Variants in PRH1 observed in about 807,000 individuals in gnomAD.
PRH1 encodes proline rich protein HaeIII subfamily 1, also known as salivary acidic proline-rich phosphoprotein 1/2.
PRH1 carries 7 observed loss-of-function variants against 7.9 expected under a neutral mutation model. That is an observed-to-expected ratio of 0.89 (90% CI 0.50 to 1.67). PRH1 has a LOEUF of 1.67. PRH1 is among the 40% of genes most tolerant of loss of function. The pLI, the probability that PRH1 is intolerant of heterozygous loss-of-function variation, is 0.00. For synonymous variants in PRH1, 45 were observed against 80.8 expected (o/e 0.56, Z 2.38); for missense variants, 109 against 223.6 (o/e 0.49, Z 3.27).
At chr12:11,082,947 T>C (rs1944542071) in intron 1 of PRH1, among the ~76,000 whole-genome samples, 1 of 116,998 alleles carries the variant, frequency 8.5e-6, no homozygotes, top group Admixed American at 8.6e-5. Flanking sequence ...GATTTTATTA[T>C]AGCAGTCAAA....
At position 11,056,425 on chromosome 12, in the gene PRH1, G is replaced by A. The variant is rs575726049; in HGVS notation, n.124-9237C>T. On this transcript the variant is annotated intron_variant and non_coding_transcript_variant, in intron 1 of 4. Transcript: ENST00000541977. ...TTACAGTATGATGGTTTCTAAGAGGGGATCTTGGAGTCAGACTGCCAGGAC... is the reference window on the plus strand; with the variant it reads ...TTACAGTATGATGGTTTCTAAGAGGAGATCTTGGAGTCAGACTGCCAGGAC... Among the ~76,000 whole-genome samples the A allele has an allele frequency of 4.3e-4, 66 of 152,224 alleles. 3 individuals are homozygous for A. In the South Asian group the frequency reaches 6.7e-3, roughly 15 times the overall value.
chr12:10,921,035 A>G (rs1950037709), intron 2 of PRH1, among the ~76,000 whole-genome samples: 1 of 152,046 alleles, frequency 6.6e-6, no homozygotes, highest in Non-Finnish European at 1.5e-5. Context: ...CTTAGAATGA[A>G]TCTTTTCATT....
At chr12:11,171,335 G>C in intron 1 of PRH1, 1 of 1,228,704 alleles carries the variant, frequency 8.1e-7, no homozygotes, top group Non-Finnish European at 1.0e-6. Flanking sequence ...ACAGACGCTG[G>C]GCGGGCGGCG....
At position 11,093,224 on chromosome 12, in the gene PRH1, C is replaced by T. The variant is rs1417701683; in HGVS notation, n.124-46036G>A. Reference sequence around the variant, plus strand: ...GTCATAACTAAGATCATCACCAATGCGGACTTTTTTAAATCACAGATTTAA... The same window carrying T: ...GTCATAACTAAGATCATCACCAATGTGGACTTTTTTAAATCACAGATTTAA... On this transcript the variant is annotated intron_variant and non_coding_transcript_variant, in intron 1 of 4. Transcript: ENST00000541977. 1.7e-5 allele frequency among the ~76,000 whole-genome samples: 2 copies of T among 115,686 alleles called. 1 individual carries two copies. The highest frequency in any genetic ancestry group is 5.8e-5 in the African/African-American group (2 of 34,476). 75.9% of individuals were successfully genotyped at this position (115,686 alleles called of 152,430 possible). A position where few individuals can be genotyped will look rare whatever the true frequency, so the allele number is the denominator to read the frequency against.
At chr12:10,983,459 C>T (rs1452194127) in intron 1 of PRH1, among the ~76,000 whole-genome samples, 1 of 152,152 alleles carries the variant, frequency 6.6e-6, no homozygotes, top group Admixed American at 6.5e-5. Flanking sequence ...TTGGTCAGCA[C>T]CTTGCTTGAT....
intron 1 of PRH1, among the ~76,000 whole-genome samples, chr12:11,041,307 A>AAAAAAAAAAAAAAAAAAAC (rs1565584500): frequency 1.0e-5 from 1 of 97,200 alleles, no homozygotes; most frequent in African/African-American, 4.4e-5. Flanking sequence ...AAAAAAAAAA[A>AAAAAAAAAAAAAAAAAAAC]AAAACAAAAA....
intron 1 of PRH1, chr12:10,985,803 T>C (rs1939585291): frequency 5.1e-6 from 4 of 790,658 alleles, no homozygotes; most frequent in Non-Finnish European, 7.8e-6. Flanking sequence ...AAAAGACTTT[T>C]CTAGGTATGC....
At chr12:11,066,707 C>T (rs1943835279) in intron 1 of PRH1, among the ~76,000 whole-genome samples, 3 of 150,944 alleles carry the variant, frequency 2.0e-5, no homozygotes, top group Middle Eastern at 3.2e-3. Context: ...AATGTGATTT[C>T]CATCTTGTTT....
chr12:11,137,022 G>A (rs948125981), intron 1 of PRH1, among the ~76,000 whole-genome samples: 1 of 152,180 alleles, frequency 6.6e-6, no homozygotes, highest in Non-Finnish European at 1.5e-5. Flanking sequence ...GCATTCTCCT[G>A]CAACTTGGAA....
chr12:11,109,723 GC>G (rs1361441559), intron 1 of PRH1, among the ~76,000 whole-genome samples: 3 of 152,024 alleles, frequency 2.0e-5, no homozygotes, highest in Non-Finnish European at 4.4e-5. Flanking sequence ...AAAAACCAGG[GC>G]AAAAAAGGCT....
At chr12:11,058,172 G>T (rs1208356172) in intron 1 of PRH1, among the ~76,000 whole-genome samples, 1 of 152,154 alleles carries the variant, frequency 6.6e-6, no homozygotes, top group Non-Finnish European at 1.5e-5. Context: ...GAAGGTTGAG[G>T]CTGCAATGAG....
At chr12:10,933,348 G>A (rs962758604) in intron 2 of PRH1, among the ~76,000 whole-genome samples, 3 of 151,874 alleles carry the variant, frequency 2.0e-5, no homozygotes, top group Non-Finnish European at 4.4e-5. Context: ...GCACCTTCAT[G>A]GAAGATTCCT....
At chr12:10,926,372 G>A (rs976757245) in intron 2 of PRH1, among the ~76,000 whole-genome samples, 1 of 152,232 alleles carries the variant, frequency 6.6e-6, no homozygotes, top group Non-Finnish European at 1.5e-5. Context: ...ACTAGAGCAA[G>A]GTGAAGTTGA....
At chr12:11,044,561 C>T (rs1253910801) in intron 1 of PRH1, among the ~76,000 whole-genome samples, 2 of 151,656 alleles carry the variant, frequency 1.3e-5, no homozygotes, top group Non-Finnish European at 2.9e-5. Flanking sequence ...GGATTAATAA[C>T]CAGAATATAA....
downstream of PRH1, among the ~76,000 whole-genome samples, chr12:11,118,761 G>A (rs561156565): frequency 1.3e-3 from 202 of 152,178 alleles, no homozygotes; most frequent in African/African-American, 4.6e-3. Flanking sequence ...TTGGGAGGCC[G>A]AGGTGGGTGG....
intron 2 of PRH1, among the ~76,000 whole-genome samples, chr12:10,901,312 C>A (rs1949720433): frequency 6.6e-6 from 1 of 152,188 alleles, no homozygotes; most frequent in South Asian, 2.1e-4. Flanking sequence ...TCAGAGCCCC[C>A]ACTCTCCTGG....
intron 1 of PRH1, among the ~76,000 whole-genome samples, chr12:11,002,646 A>G (rs1042161723): frequency 9.2e-5 from 14 of 152,236 alleles, no homozygotes; most frequent in African/African-American, 3.1e-4. Context: ...CTTATTTACA[A>G]TCTCAGCTAC....
intron 1 of PRH1, among the ~76,000 whole-genome samples, chr12:11,037,557 T>C (rs991752632): frequency 1.1e-4 from 16 of 152,350 alleles, no homozygotes; most frequent in East Asian, 7.7e-4. Flanking sequence ...TTAATATCCA[T>C]CGTAGTATAA....
Position 10,884,230 on chromosome 12 carries a change from T to C in PRH1, c.-13A>G. On this transcript the variant is annotated 5_prime_UTR_variant, in exon 1 of 4. Coordinates refer to ENST00000543626, the MANE Select transcript of PRH1 (RefSeq NM_001393989.1). ...GAATCAGAAGCATCTTGCAGGAGGC[T>C]CTGGTGTCACTCCCAACTTTGTGCT... 1 of 1,614,168 alleles carries C rather than the reference T, an allele frequency of 6.2e-7. No individual in the cohort carries two copies. The highest frequency in any genetic ancestry group is 8.5e-7 in the Non-Finnish European group (1 of 1,180,000).
Sources: gnomAD v4.1 joint callset for allele counts (sites outside exome capture counted in the v4.1 genomes callset) on GRCh38, gnomAD v4.1.1 for gene constraint, MANE v1.5 for transcripts, NCBI Gene and HGNC (gene_info 2026-07-23, HGNC 2026-07-21) for gene names.